CLDN18: variants seen among roughly 807,000 people sequenced by gnomAD.
The protein encoded by CLDN18 is claudin-18.
In CLDN18, 20 loss-of-function variants were observed where a neutral mutation model predicts 25.0. The ratio of observed to expected loss-of-function variants is 0.80; its 90% confidence interval spans 0.56 to 1.16. The LOEUF (loss-of-function observed/expected upper bound fraction) is 1.16. Among genes scored for constraint, CLDN18 ranks in the 50% most tolerant of loss-of-function variants. The pLI is 0.00. For missense variants in CLDN18, 297 were observed against 345.4 expected, an observed-to-expected ratio of 0.86 and a Z score of 1.11; for synonymous variants, 125 against 135.6, an observed-to-expected ratio of 0.92 and a Z score of 0.54.
At chr3:138,023,031 A>T (rs1166569470) in intron 1 of CLDN18, among the ~76,000 whole-genome samples, 1 of 152,252 alleles carries the variant, frequency 6.6e-6, no homozygotes, top group Non-Finnish European at 1.5e-5. Context: ...TCTAGATGAA[A>T]GGCCTAATAT....
At chr3:138,002,856 G>T (rs997714882) in intron 1 of CLDN18, among the ~76,000 whole-genome samples, 1 of 152,012 alleles carries the variant, frequency 6.6e-6, no homozygotes, top group African/African-American at 2.4e-5. Flanking sequence ...AGAGATCAAG[G>T]AACAAAAAGC....
chr3:138,027,346 T>C (rs776421579), intron 3 of CLDN18, among the ~76,000 whole-genome samples: 3 of 152,238 alleles, frequency 2.0e-5, no homozygotes, highest in Non-Finnish European at 2.9e-5. Flanking sequence ...TCTATCTAGC[T>C]CACTTCACAT....
At chr3:138,008,344 C>T (rs1165864903), upstream of CLDN18, among the ~76,000 whole-genome samples, 2 of 152,090 alleles carry the variant, frequency 1.3e-5, no homozygotes, top group Non-Finnish European at 2.9e-5. Context: ...TGGCTCACGC[C>T]TGCAATCCTG....
chr3:138,012,519 T>C lies in CLDN18; in HGVS notation c.220+2074T>C, dbSNP rs763752473. Among the ~76,000 whole-genome samples, 15 of 152,242 alleles carry C rather than the reference T, an allele frequency of 9.9e-5. No homozygotes were observed. In the Middle Eastern group the frequency reaches 0.01, roughly 104 times the overall value. On this transcript the variant is annotated intron_variant, in intron 1 of 4. Transcript: ENST00000183605. Reference sequence around the variant, plus strand: ...TTTCAGTATACCTTGGACTTGGTCCTGGACATCCATTGCTCCTGCTCCCCT... The same window carrying C: ...TTTCAGTATACCTTGGACTTGGTCCCGGACATCCATTGCTCCTGCTCCCCT...
In CLDN18 at chr3:138,033,550, CT is replaced by C. The variant is rs1472529682; in HGVS notation, c.*2412del. 1.7e-4 allele frequency: 26 copies of C among 152,298 alleles called. No individual in the cohort carries two copies. Among genetic ancestry groups the C allele is most frequent in the African/African-American group, 6.0e-4 (25 of 41,556 alleles). 9.4% of individuals were successfully genotyped at this position (152,298 alleles called of 1,614,324 possible). A position where few individuals can be genotyped will look rare whatever the true frequency, so the allele number is the denominator to read the frequency against. The stretch of plus-strand genomic sequence containing the variant: ...AAAGCCTCCATATAGTTAGATTGTG[CT>C]TTGTAATTTTGTTGTTGTTGCTCTA... On this transcript the variant is annotated 3_prime_UTR_variant, in exon 5 of 5. Transcript: ENST00000183605.
chr3:138,010,197 C>CGCAGGCGGCAGG lies in CLDN18; in HGVS notation c.-26_-15dup. ...CGGCAGCAGGAGGGCGGCAGCTTCT[C>CGCAGGCGGCAGG]GCAGGCGGCAGGGCGGGCGGCCAGG... is the stretch of plus-strand genomic sequence containing the variant. On this transcript the variant is annotated 5_prime_UTR_variant, in exon 1 of 5. Transcript: ENST00000183605. The CGCAGGCGGCAGG allele has an allele frequency of 6.2e-7, 1 of 1,604,628 alleles. No individual in the cohort carries two copies. The highest frequency in any genetic ancestry group is 8.5e-7 in the Non-Finnish European group (1 of 1,175,248).
chr3:138,027,354 C>T (rs1343115209), intron 3 of CLDN18, among the ~76,000 whole-genome samples: 1 of 152,212 alleles, frequency 6.6e-6, no homozygotes, highest in Admixed American at 6.5e-5. Context: ...GCTCACTTCA[C>T]ATTTAAGTTT....
In CLDN18 at chr3:137,999,148, G is replaced by A. The variant is rs988672961; in HGVS notation, c.220+60G>A. ...GATTGGAGGTGGAGAGGAAACTGCA[G>A]GCTCTGTCTGGGCACCACGACAGGG... On this transcript the variant is annotated intron_variant, in intron 1 of 4. Transcript: ENST00000343735. 5 of 1,484,030 alleles carry A rather than the reference G, an allele frequency of 3.4e-6. No individual in the cohort carries two copies. The Admixed American group carries it at 6.7e-5, about 20-fold the overall frequency. The allele number at this position is 1,484,030 out of a possible 1,614,324, so 91.9% of individuals were successfully genotyped here. A position where few individuals can be genotyped will look rare whatever the true frequency, so the allele number is the denominator to read the frequency against.
intron 3 of CLDN18, among the ~76,000 whole-genome samples, chr3:138,025,543 A>G (rs1942317369): frequency 6.6e-6 from 1 of 152,148 alleles, no homozygotes; most frequent in East Asian, 1.9e-4. Context: ...TGGGGTACAG[A>G]CGGAGAGGGA....
intron 1 of CLDN18, among the ~76,000 whole-genome samples, chr3:138,016,055 G>A (rs1942199572): frequency 6.6e-6 from 1 of 152,140 alleles, no homozygotes; most frequent in South Asian, 2.1e-4. Flanking sequence ...GTACTCTGAG[G>A]ACAGTGCCAG....
chr3:138,004,085 A>G (rs1942044064), intron 1 of CLDN18, among the ~76,000 whole-genome samples: 1 of 152,094 alleles, frequency 6.6e-6, no homozygotes, highest in South Asian at 2.1e-4. Context: ...GAGGCAAGAG[A>G]ATCACTTGAA....
chr3:138,013,046 G>A (rs1028092484), intron 1 of CLDN18, among the ~76,000 whole-genome samples: 2 of 152,196 alleles, frequency 1.3e-5, no homozygotes, highest in African/African-American at 2.4e-5. Context: ...TCCCAGAAAA[G>A]CGCCTGGTAG....
intron 3 of CLDN18, among the ~76,000 whole-genome samples, chr3:138,025,769 T>C (rs550177269): frequency 4.3e-4 from 65 of 152,324 alleles, no homozygotes; most frequent in African/African-American, 1.3e-3. Context: ...TTCCACATTC[T>C]GGGAAACCCC....
rs1460736707 is a variant in CLDN18, at chr3:138,010,287, G to C, written c.62G>C (p.Cys21Ser). 6.2e-7 allele frequency: 1 copy of C among 1,614,058 alleles called. No homozygotes were observed. Among genetic ancestry groups the C allele is most frequent in the East Asian group, 2.2e-5 (1 of 44,878 alleles). The change falls in exon 1 of 5, where the codon TGC becomes TCC. Residue 21 changes from cysteine (C) to serine (S), a missense_variant. Cys to Ser is a moderately radical substitution (Grantham distance 112). Coordinates refer to ENST00000183605, the MANE Select transcript of CLDN18 (RefSeq NM_016369.4). ...CTGTCCATCCTGGGGCTGGCCGGCTGCATCGCGGCCACCGGGATGGACATG... is the reference window on the plus strand; with the variant it reads ...CTGTCCATCCTGGGGCTGGCCGGCTCCATCGCGGCCACCGGGATGGACATG... ...FLLSILGLAG[C>S]IAATGMDMWS...
intron 1 of CLDN18, among the ~76,000 whole-genome samples, chr3:138,018,283 A>C (rs2107883245): frequency 6.6e-6 from 1 of 151,510 alleles, no homozygotes; most frequent in East Asian, 1.9e-4. Context: ...TTGTGTCCTT[A>C]TATGGCAGAA....
At chr3:138,007,900 A>G (rs1402779455), upstream of CLDN18, among the ~76,000 whole-genome samples, 2 of 152,122 alleles carry the variant, frequency 1.3e-5, no homozygotes, top group East Asian at 3.9e-4. Context: ...GTAACAACTC[A>G]AGGGACACAC....
upstream of CLDN18, among the ~76,000 whole-genome samples, chr3:138,008,621 A>C (rs115125055): frequency 5.1e-3 from 766 of 151,200 alleles, 5 homozygotes; most frequent in African/African-American, 0.018. Flanking sequence ...TAAATAAATA[A>C]ATAAAAACAA....
upstream of CLDN18, among the ~76,000 whole-genome samples, chr3:138,006,929 AT>A (rs1942075242): frequency 6.6e-6 from 1 of 152,132 alleles, no homozygotes; most frequent in East Asian, 1.9e-4. Flanking sequence ...TCTGAATAAC[AT>A]TTTTCCCTAT....
At chr3:138,012,539 TC>T (rs1942146360) in intron 1 of CLDN18, among the ~76,000 whole-genome samples, 2 of 151,894 alleles carry the variant, frequency 1.3e-5, no homozygotes, top group Admixed American at 6.6e-5. Context: ...TTGCTCCTGC[TC>T]CCCTGAATTC....
Sources: allele counts gnomAD v4.1 joint callset (sites outside exome capture counted in the v4.1 genomes callset), GRCh38; gene constraint gnomAD v4.1.1; transcripts MANE v1.5; gene names NCBI Gene and HGNC (gene_info 2026-07-23, HGNC 2026-07-21).